NEB: variants seen among roughly 807,000 people sequenced by gnomAD.
NEB encodes nebulin.
NEB carries 512 observed loss-of-function variants against 952.2 expected under a neutral mutation model. The observed-to-expected ratio is 0.54, with a 90% confidence interval of 0.50 to 0.58. NEB has a LOEUF of 0.58. Ranked by LOEUF, NEB falls within the 20% of genes least tolerant of loss-of-function variation. NEB has a pLI of 0.00. For missense variants in NEB, 8,428 were observed against 9,231.1 expected, an observed-to-expected ratio of 0.91 and a Z score of 3.56; for synonymous variants, 2,900 against 3,149.8, an observed-to-expected ratio of 0.92 and a Z score of 2.66.
intron 135 of NEB, among the ~76,000 whole-genome samples, chr2:151,542,282 C>G (rs948304960): frequency 1.3e-5 from 2 of 152,116 alleles, no homozygotes; most frequent in Non-Finnish European, 2.9e-5. Context: ...AAGGATTGGC[C>G]CCTTTCACCC....
At position 151,656,435 on chromosome 2, in the gene NEB, C is replaced by T. The variant is rs1310971522; in HGVS notation, c.6213G>A (p.Gly2071=). Residue 2071 remains glycine (G), a synonymous_variant, in exon 49 of 182, where the codon GGG becomes GGA. Transcript: ENST00000397345. The part of the protein sequence containing the change: ...DYKYKYNYEK[G]KGKMVGFRSL... ...TGCGGAAACCAACCATTTTCCCCTT[C>T]CCTTTTTCATAATTGTACTTGTATT... 3 of 1,612,446 alleles carry T rather than the reference C, an allele frequency of 1.9e-6. No homozygotes were observed. The highest frequency in any genetic ancestry group is 2.2e-5 in the South Asian group (2 of 90,862).
chr2:151,561,584 T>G (rs539847080), intron 121 of NEB, among the ~76,000 whole-genome samples: 1 of 151,938 alleles, frequency 6.6e-6, no homozygotes, highest in East Asian at 1.9e-4. Context: ...TTTTTTTTTT[T>G]TTGGTTTCGA....
In NEB at chr2:151,712,761, C is replaced by T. The variant is rs576294918; in HGVS notation, c.823-2223G>A. Among the ~76,000 whole-genome samples the T allele has an allele frequency of 2.0e-4, 31 of 152,246 alleles. 1 individual carries two copies. In the South Asian group the frequency reaches 6.4e-3, roughly 32 times the overall value. ...GGTATGTGTCCATGTGGGACCCTCT[C>T]TACCAGCGAAGGGGTCCCACTCTGC... On this transcript the variant is annotated intron_variant, in intron 10 of 181. Coordinates refer to ENST00000397345, the MANE Select transcript of NEB (RefSeq NM_001164508.2).
At chr2:151,570,961 C>T (rs925382711) in intron 107 of NEB, among the ~76,000 whole-genome samples, 2 of 152,130 alleles carry the variant, frequency 1.3e-5, no homozygotes, top group Non-Finnish European at 1.5e-5. Flanking sequence ...GTATCCACCA[C>T]CTCAAGCATT....
chr2:151,631,473 G>A (rs1326313312), intron 65 of NEB, 127 bp from the exon 66 acceptor site: 2 of 1,012,514 alleles, frequency 2.0e-6, no homozygotes, highest in South Asian at 1.9e-5. Context: ...CGTTGTATAA[G>A]GCAAACTAAA....
chr2:151,550,021 AC>A (rs1050111665), intron 129 of NEB, among the ~76,000 whole-genome samples: 15 of 152,120 alleles, frequency 9.9e-5, no homozygotes, highest in Non-Finnish European at 1.8e-4. Flanking sequence ...TAATCTCAAC[AC>A]TTTGGGAGGC....
chr2:151,497,600 GT>G (rs749958402), intron 171 of NEB, 25 bp downstream of exon 171: 3 of 1,547,852 alleles, frequency 1.9e-6, no homozygotes, highest in African/African-American at 2.7e-5. Flanking sequence ...TAAATAAGTA[GT>G]TTTTTTCTTT....
chr2:151,682,616 C>CTA, intron 29 of NEB, 46 bp downstream of exon 29: 1 of 1,472,268 alleles, frequency 6.8e-7, no homozygotes, highest in Non-Finnish European at 9.4e-7. Context: ...AGAGCTTTAA[C>CTA]ACAACACAGT....
In NEB at chr2:151,503,556, T is replaced by C. The variant is rs946386365; in HGVS notation, c.23743-115A>G. ...ATAAAAACAATCTAGCTCTCAAATA[T>C]AACATTCAAGGAACAGGGGGGAAAA... is the stretch of plus-strand genomic sequence containing the variant. On this transcript the variant is annotated intron_variant, in intron 165 of 181. Transcript: ENST00000397345. The C allele has an allele frequency of 5.3e-5, 35 of 660,518 alleles. 1 individual carries two copies. In the South Asian group the frequency reaches 5.8e-4, roughly 11 times the overall value. The allele number at this position is 660,518 out of a possible 1,614,324, so 40.9% of individuals were successfully genotyped here.
chr2:151,543,538 A>C (rs2094352452), intron 135 of NEB, among the ~76,000 whole-genome samples: 1 of 152,246 alleles, frequency 6.6e-6, no homozygotes, highest in Non-Finnish European at 1.5e-5. Flanking sequence ...TCTTCAGTTT[A>C]GGAAATTAGG....
chr2:151,552,621 T>G, intron 128 of NEB, 51 bp downstream of exon 128: 1 of 1,313,146 alleles, frequency 7.6e-7, no homozygotes, highest in South Asian at 1.2e-5. Context: ...TCTGCTTGAG[T>G]GGTGGCCCTG....
intron 179 of NEB, among the ~76,000 whole-genome samples, chr2:151,490,929 G>A (rs2056000294): frequency 6.6e-6 from 1 of 152,142 alleles, no homozygotes; most frequent in African/African-American, 2.4e-5. Context: ...AATACCATGG[G>A]CAGACCTTTA....
rs768480339 is a variant in NEB, at chr2:151,674,552, T to C, written c.3912A>G (p.Ile1304Met). Reference sequence around the variant, plus strand: ...CGCCCAGCACATTGTTGCCCTTGGCTATTAAGTCATACCAATCCCGTTTAT... The same window carrying C: ...CGCCCAGCACATTGTTGCCCTTGGCCATTAAGTCATACCAATCCCGTTTAT... Reference protein sequence around the residue: ...VCYKRDWYDLIAKGNNVLGDA... With the variant: ...VCYKRDWYDLMAKGNNVLGDA... Residue 1304 changes from isoleucine to methionine, a missense_variant, in exon 36 of 182, where the codon ATA becomes ATG. Physicochemically the swap from Ile to Met is conservative, Grantham distance 10. Transcript: ENST00000397345. The C allele has an allele frequency of 6.2e-7, 1 of 1,613,872 alleles. No individual in the cohort carries two copies. The highest frequency in any genetic ancestry group is 1.1e-5 in the South Asian group (1 of 91,050).
chr2:151,650,020 T>C (rs1210232650), intron 54 of NEB, among the ~76,000 whole-genome samples, 156 bp downstream of exon 54: 1 of 152,216 alleles, frequency 6.6e-6, no homozygotes, highest in African/African-American at 2.4e-5. Context: ...CAGTGTAGGA[T>C]AGTTGCTAAT....
Position 151,630,823 on chromosome 2 carries a change from TA to T in NEB, c.9619-5del, listed in dbSNP as rs1221479937. The T allele has an allele frequency of 5.1e-6, 8 of 1,571,872 alleles. No homozygotes were observed. The African/African-American group carries it at 6.8e-5, about 13-fold the overall frequency. On this transcript the variant is annotated splice_region_variant and splice_polypyrimidine_tract_variant and intron_variant, in intron 66 of 181. Coordinates refer to ENST00000397345, the MANE Select transcript of NEB (RefSeq NM_001164508.2). ...CCCAGGCCTCTGTGTATAAACGCTATAAAAGAAGATAAGATGCTGATTAAAA... is the reference window on the plus strand; with the variant it reads ...CCCAGGCCTCTGTGTATAAACGCTATAAAGAAGATAAGATGCTGATTAAAA...
At position 151,566,946 on chromosome 2, in the gene NEB, A is replaced by T. The variant is rs12052998; in HGVS notation, c.18156+222T>A. 0.25 allele frequency among the ~76,000 whole-genome samples: 37,933 copies of T among 152,112 alleles called. 5,678 individuals carry two copies. The highest frequency in any genetic ancestry group is 0.39 in the Admixed American group (5,946 of 15,256). ...GGTACAAAAGCAGCAGATTTTTTTT[A>T]AAAAAATTTGATTGAAAGTTACTCA... On this transcript the variant is annotated intron_variant, in intron 114 of 181. Coordinates refer to ENST00000397345, the MANE Select transcript of NEB (RefSeq NM_001164508.2).
intron 10 of NEB, among the ~76,000 whole-genome samples, chr2:151,716,968 G>A (rs1416587180): frequency 1.3e-5 from 2 of 152,224 alleles, no homozygotes; most frequent in African/African-American, 2.4e-5. Flanking sequence ...TAAAAGTTAT[G>A]AGGTCCACTG....
chr2:151,625,315 T>C (rs1300702862), intron 71 of NEB, among the ~76,000 whole-genome samples: 1 of 152,210 alleles, frequency 6.6e-6, no homozygotes. Context: ...GAAATGAAGA[T>C]ATTTTTGTGT....
chr2:151,567,273 G>C lies in NEB; in HGVS notation c.18051C>G (p.Thr6017=). 1 of 1,613,790 alleles carries C rather than the reference G, an allele frequency of 6.2e-7. No homozygotes were observed. The highest frequency in any genetic ancestry group is 1.1e-5 in the South Asian group (1 of 91,060). Residue 6017 remains threonine, a synonymous_variant, in exon 114 of 182, where the codon ACC becomes ACG. Coordinates refer to ENST00000397345, the MANE Select transcript of NEB (RefSeq NM_001164508.2). ...VSVLAAKQGQ[T]LVSDIDYRNY... ...TACGATAATCAATATCACTGACAAG[G>C]GTCTGCCCCTGCTTGGCGGCCAAGA...
Sources: allele counts gnomAD v4.1 joint callset (sites outside exome capture counted in the v4.1 genomes callset), GRCh38; gene constraint gnomAD v4.1.1; transcripts MANE v1.5; gene names NCBI Gene and HGNC (gene_info 2026-07-23, HGNC 2026-07-21).